ABCB5: variants seen among roughly 807,000 people sequenced by gnomAD.
ABCB5 encodes ATP binding cassette subfamily B member 5.
ABCB5 carries 155 observed loss-of-function variants against 144.2 expected under a neutral mutation model. The ratio of observed to expected loss-of-function variants is 1.08; its 90% CI spans 0.94 to 1.23. ABCB5 has a LOEUF of 1.23. Among genes scored for constraint, ABCB5 ranks in the 50% most tolerant of loss-of-function variants. The pLI is 0.00. For synonymous variants in ABCB5, 610 were observed against 528.6 expected (o/e 1.15, Z -2.11); for missense variants, 1,830 against 1,520.8 (o/e 1.20, Z -3.38).
intron 14 of ABCB5, 103 bp downstream of exon 14, chr7:20,658,779 C>T (rs1168186295): frequency 1.9e-5 from 26 of 1,349,218 alleles, no homozygotes; most frequent in Non-Finnish European, 2.6e-5. Context: ...GTTGAGAGCC[C>T]TCTTAAGGTA....
chr7:20,736,120 G>A (rs1782371344), intron 23 of ABCB5, among the ~76,000 whole-genome samples: 1 of 152,202 alleles, frequency 6.6e-6, no homozygotes, highest in South Asian at 2.1e-4. Context: ...ATCAAAGAAA[G>A]AAACTTACTG....
intron 25 of ABCB5, among the ~76,000 whole-genome samples, chr7:20,744,820 T>C (rs1309633273): frequency 6.6e-6 from 1 of 151,926 alleles, no homozygotes; most frequent in Non-Finnish European, 1.5e-5. Flanking sequence ...GAGCTTTCTC[T>C]TATTGACCAC....
At chr7:20,680,970 TTTTCTTTCTTTCTTTCTTTCTTTC>T (rs1244502074) in intron 14 of ABCB5, among the ~76,000 whole-genome samples, 1 of 131,056 alleles carries the variant, frequency 7.6e-6, no homozygotes. Flanking sequence ...CCTCCTTTCT[TTTTCTTTCTTTCTTTCTTTCTTTC>T]TTTCTTTCTT....
intron 20 of ABCB5, among the ~76,000 whole-genome samples, chr7:20,716,609 T>C (rs775232359): frequency 4.0e-4 from 61 of 152,296 alleles, no homozygotes; most frequent in Middle Eastern, 3.4e-3. Flanking sequence ...CACACTTATA[T>C]GCATTAATAA....
chr7:20,655,991 A>C (rs535123214), intron 13 of ABCB5, among the ~76,000 whole-genome samples: 2 of 152,244 alleles, frequency 1.3e-5, no homozygotes, highest in East Asian at 3.8e-4. Flanking sequence ...AGATTCACAA[A>C]TATCTACTAA....
At chr7:20,654,067 C>T (rs1226676079) in intron 13 of ABCB5, among the ~76,000 whole-genome samples, 2 of 152,106 alleles carry the variant, frequency 1.3e-5, no homozygotes, top group Non-Finnish European at 2.9e-5. Context: ...TTGTGTTCTG[C>T]CAAGTTATGT....
chr7:20,714,546 G>C (rs1227324955), intron 20 of ABCB5, among the ~76,000 whole-genome samples: 1 of 151,634 alleles, frequency 6.6e-6, no homozygotes, highest in East Asian at 1.9e-4. Context: ...ATTCTTCTTG[G>C]AACAGAAGAA....
At chr7:20,626,455 G>C (rs1032351982) in intron 2 of ABCB5, 102 bp from the exon 3 acceptor site, 7 of 889,332 alleles carry the variant, frequency 7.9e-6, no homozygotes, top group Non-Finnish European at 1.2e-5. Flanking sequence ...GTATAAATTT[G>C]CTACCAAGGT....
chr7:20,635,400 T>C (rs1481247265), intron 5 of ABCB5, among the ~76,000 whole-genome samples: 1 of 144,958 alleles, frequency 6.9e-6, no homozygotes, highest in Non-Finnish European at 1.5e-5. Context: ...TTTTTTTTTT[T>C]GGTTGCATAT....
intron 9 of ABCB5, chr7:20,647,282 T>C: frequency 8.2e-7 from 1 of 1,223,662 alleles, no homozygotes; most frequent in Non-Finnish European, 1.0e-6. Flanking sequence ...GACTATGAGA[T>C]AATCAAAAGT....
chr7:20,689,046 A>G (rs892089910), intron 16 of ABCB5, among the ~76,000 whole-genome samples: 13 of 152,250 alleles, frequency 8.5e-5, no homozygotes, highest in South Asian at 6.2e-4. Context: ...CAGCACACCA[A>G]CATGGCACAT....
chr7:20,647,755 G>T, intron 10 of ABCB5, 107 bp downstream of exon 10: 2 of 1,465,100 alleles, frequency 1.4e-6, no homozygotes, highest in Non-Finnish European at 1.8e-6. Flanking sequence ...CAAATTTAAT[G>T]TTGGCCAGTT....
chr7:20,637,159 G>A (rs896374241), intron 5 of ABCB5, among the ~76,000 whole-genome samples: 1 of 152,182 alleles, frequency 6.6e-6, no homozygotes, highest in Admixed American at 6.5e-5. Flanking sequence ...ATAATTTTTT[G>A]AGTATAAGGT....
chr7:20,707,426 C>T (rs1786857337), intron 20 of ABCB5, among the ~76,000 whole-genome samples: 1 of 152,172 alleles, frequency 6.6e-6, no homozygotes, highest in Non-Finnish European at 1.5e-5. Flanking sequence ...AGCCTATTGC[C>T]AGTACATCTG....
At chr7:20,722,779 G>A (rs1472357911) in intron 20 of ABCB5, among the ~76,000 whole-genome samples, 1 of 151,850 alleles carries the variant, frequency 6.6e-6, no homozygotes, top group Non-Finnish European at 1.5e-5. Context: ...CCGAGATTGC[G>A]CCACTGCACT....
intron 16 of ABCB5, among the ~76,000 whole-genome samples, chr7:20,690,004 T>A (rs1396129481): frequency 6.6e-6 from 1 of 152,158 alleles, no homozygotes; most frequent in Non-Finnish European, 1.5e-5. Flanking sequence ...TCTTAGGCCA[T>A]CATGACAAGT....
chr7:20,664,963 G>C (rs1204689931), intron 14 of ABCB5, among the ~76,000 whole-genome samples: 1 of 152,114 alleles, frequency 6.6e-6, no homozygotes, highest in Non-Finnish European at 1.5e-5. Flanking sequence ...GTTCAATGAA[G>C]AGAAAAGGTA....
intron 14 of ABCB5, among the ~76,000 whole-genome samples, chr7:20,671,051 G>A (rs933464163): frequency 6.6e-6 from 1 of 152,182 alleles, no homozygotes; most frequent in African/African-American, 2.4e-5. Context: ...TTAGTGCTTA[G>A]TATAACTCTC....
At chr7:20,657,592 A>C (rs775907518) in intron 13 of ABCB5, among the ~76,000 whole-genome samples, 1 of 152,230 alleles carries the variant, frequency 6.6e-6, no homozygotes, top group Non-Finnish European at 1.5e-5. Flanking sequence ...ATAAAAATCA[A>C]ATCAGCGGTA....
Sources: gnomAD v4.1 joint callset for allele counts (sites outside exome capture counted in the v4.1 genomes callset) on GRCh38, gnomAD v4.1.1 for gene constraint, MANE v1.5 for transcripts, NCBI Gene and HGNC (gene_info 2026-07-23, HGNC 2026-07-21) for gene names.